LRRC4C: variants seen among roughly 807,000 people sequenced by gnomAD.
The protein encoded by LRRC4C is leucine-rich repeat-containing protein 4C.
Under a neutral mutation model 33.6 loss-of-function variants are expected in LRRC4C, and 5 were observed. The ratio of observed to expected loss-of-function variants is 0.15; its 90% CI spans 0.08 to 0.31. The LOEUF is 0.31. Ranked by LOEUF, LRRC4C falls within the 10% of genes least tolerant of loss-of-function variation. The pLI is 1.00. For synonymous variants in LRRC4C, 329 were observed against 302.0 expected, an observed-to-expected ratio of 1.09 and a Z score of -0.93; for missense variants, 560 against 796.7, an observed-to-expected ratio of 0.70 and a Z score of 3.58.
At position 40,388,864 on chromosome 11, in the gene LRRC4C, C is replaced by A. The variant is rs184369904; in HGVS notation, c.-269-69143G>T. ...CTGTATTCAGATATTCCCTGAAGTTCAGAGGACGAGGTACTGCAAAATGGA... is the reference window on the plus strand; with the variant it reads ...CTGTATTCAGATATTCCCTGAAGTTAAGAGGACGAGGTACTGCAAAATGGA... On this transcript the variant is annotated intron_variant, in intron 3 of 6. Coordinates refer to ENST00000528697, the MANE Select transcript of LRRC4C (RefSeq NM_001258419.2). Among the ~76,000 whole-genome samples the A allele has an allele frequency of 3.6e-3, 544 of 152,272 alleles. 19 individuals carry two copies. The highest frequency in any genetic ancestry group is 0.033 in the Admixed American group (498 of 15,286).
chr11:40,893,818 AACACACACACACAC>A (rs55810825), intron 2 of LRRC4C, among the ~76,000 whole-genome samples: 1 of 69,942 alleles, frequency 1.4e-5, no homozygotes, highest in African/African-American at 2.8e-5. Flanking sequence ...TACGTATTAT[AACACACACACACAC>A]ACACACACAC....
Position 41,015,301 on chromosome 11 carries a change from GTATT to G in LRRC4C, c.-495-81582_-495-81579del, listed in dbSNP as rs1398940409. Among the ~76,000 whole-genome samples the G allele has an allele frequency of 3.9e-5, 6 of 152,012 alleles. No individual in the cohort carries two copies. In the East Asian group the frequency reaches 1.2e-3, roughly 29 times the overall value. Reference sequence around the variant, plus strand: ...AAAGACCTTTTTATACAGTCTGTAGGTATTTATTTATATATTTTAAAATTTTGTT... The same window carrying G: ...AAAGACCTTTTTATACAGTCTGTAGGTATTTATATATTTTAAAATTTTGTT... On this transcript the variant is annotated intron_variant, in intron 1 of 6. Coordinates refer to ENST00000528697, the MANE Select transcript of LRRC4C (RefSeq NM_001258419.2).
At chr11:40,294,385 G>C (rs925750778) in intron 4 of LRRC4C, among the ~76,000 whole-genome samples, 6 of 152,034 alleles carry the variant, frequency 3.9e-5, no homozygotes, top group African/African-American at 1.4e-4. Flanking sequence ...AGAAATCCAG[G>C]AGTTTTGAGC....
chr11:41,096,418 C>T (rs1940812935), intron 1 of LRRC4C, among the ~76,000 whole-genome samples: 1 of 152,124 alleles, frequency 6.6e-6, no homozygotes, highest in South Asian at 2.1e-4. Context: ...CCATCAATCC[C>T]ATCAGAGAAG....
At chr11:41,199,432 C>T (rs1292783218) in intron 1 of LRRC4C, among the ~76,000 whole-genome samples, 1 of 152,026 alleles carries the variant, frequency 6.6e-6, no homozygotes, top group South Asian at 2.1e-4. Context: ...GATTCCTCTT[C>T]CGGGCAGTCT....
At chr11:40,174,937 C>A (rs931330763) in intron 5 of LRRC4C, among the ~76,000 whole-genome samples, 5 of 152,100 alleles carry the variant, frequency 3.3e-5, no homozygotes, top group Non-Finnish European at 5.9e-5. Context: ...GGTGCTAAAC[C>A]CACAAATTTC....
At chr11:41,401,847 G>T (rs76288820) in intron 1 of LRRC4C, among the ~76,000 whole-genome samples, 4,312 of 151,964 alleles carry the variant, frequency 0.028, 230 homozygotes, top group African/African-American at 0.098. Context: ...TTGTTAAAAT[G>T]GAACCCATTT....
At position 41,305,919 on chromosome 11, in the gene LRRC4C, A is replaced by T. The variant is rs1394397075; in HGVS notation, c.-496+153512T>A. ...TATCAATAAAAAAATAAATTAAAAA[A>T]AAATAATAAAATAAAATAAATAAAT... On this transcript the variant is annotated intron_variant, in intron 1 of 6. Transcript: ENST00000528697. 2.3e-4 allele frequency among the ~76,000 whole-genome samples: 22 copies of T among 95,800 alleles called. No individual in the cohort carries two copies. In the Admixed American group the frequency reaches 3.1e-3, roughly 13 times the overall value. The allele number at this position is 95,800 out of a possible 152,430, so 62.8% of individuals were successfully genotyped here.
chr11:40,665,325 A>AAAATATATAT (rs1943712197), intron 2 of LRRC4C, among the ~76,000 whole-genome samples: 1 of 13,452 alleles, frequency 7.4e-5, no homozygotes, highest in Non-Finnish European at 1.4e-4. Context: ...AAAAAAAAAA[A>AAAATATATAT]ATATATATAT....
chr11:41,163,406 C>G (rs1387959266), intron 1 of LRRC4C, among the ~76,000 whole-genome samples: 1 of 148,798 alleles, frequency 6.7e-6, no homozygotes, highest in African/African-American at 2.5e-5. Context: ...GCCTCAGCTT[C>G]CTGAGTAGCT....
At chr11:40,840,223 A>G (rs1327655553) in intron 2 of LRRC4C, among the ~76,000 whole-genome samples, 2 of 152,228 alleles carry the variant, frequency 1.3e-5, no homozygotes, top group East Asian at 3.9e-4. Context: ...TCCTCCTATC[A>G]AAGAAAAACA....
intron 1 of LRRC4C, among the ~76,000 whole-genome samples, chr11:41,239,321 CAAA>C (rs56018613): frequency 0.021 from 1,150 of 55,104 alleles, 15 homozygotes; most frequent in African/African-American, 0.085. Flanking sequence ...GACTCTGTCT[CAAA>C]AAAAAAAAAA....
intron 2 of LRRC4C, among the ~76,000 whole-genome samples, chr11:40,692,272 G>A (rs1248776332): frequency 6.6e-6 from 1 of 151,504 alleles, no homozygotes; most frequent in Non-Finnish European, 1.5e-5. Context: ...CAGTGGAGGT[G>A]TTCAATATCC....
chr11:41,292,249 C>T (rs1038563180), intron 1 of LRRC4C, among the ~76,000 whole-genome samples: 4 of 152,018 alleles, frequency 2.6e-5, no homozygotes, highest in African/African-American at 9.7e-5. Flanking sequence ...AGCAGAAGTT[C>T]GAGCCTAATT....
chr11:40,757,015 G>A (rs570988459), intron 2 of LRRC4C, among the ~76,000 whole-genome samples: 2 of 152,056 alleles, frequency 1.3e-5, no homozygotes, highest in Admixed American at 6.6e-5. Context: ...GATGAAACAA[G>A]CAAATTTCAT....
intron 1 of LRRC4C, among the ~76,000 whole-genome samples, chr11:41,170,934 G>T (rs906707926): frequency 3.9e-5 from 6 of 152,136 alleles, no homozygotes; most frequent in Non-Finnish European, 8.8e-5. Flanking sequence ...CCATCAAAAA[G>T]TGGGTGAAGG....
At chr11:40,982,203 G>T (rs1254869330) in intron 1 of LRRC4C, among the ~76,000 whole-genome samples, 1 of 152,030 alleles carries the variant, frequency 6.6e-6, no homozygotes, top group Non-Finnish European at 1.5e-5. Flanking sequence ...TGATGAATAG[G>T]GTACCCTAAA....
intron 1 of LRRC4C, among the ~76,000 whole-genome samples, chr11:41,440,614 T>C (rs565703684): frequency 8.3e-4 from 126 of 152,280 alleles, no homozygotes; most frequent in Non-Finnish European, 1.6e-3. Context: ...TGGACTGATA[T>C]GGTTTGGTTC....
chr11:40,911,961 A>C (rs1323763656), intron 2 of LRRC4C, among the ~76,000 whole-genome samples: 1 of 152,234 alleles, frequency 6.6e-6, no homozygotes, highest in East Asian at 1.9e-4. Flanking sequence ...GGAAGATCAA[A>C]TGAATGAAAT....
Sources: gnomAD v4.1 joint callset for allele counts (sites outside exome capture counted in the v4.1 genomes callset) on GRCh38, gnomAD v4.1.1 for gene constraint, MANE v1.5 for transcripts, NCBI Gene and HGNC (gene_info 2026-07-23, HGNC 2026-07-21) for gene names.